BACH2: variants seen among roughly 807,000 people sequenced by gnomAD.
BACH2 encodes the protein BACH transcriptional regulator 2.
In BACH2, 5 loss-of-function variants were observed where a neutral mutation model predicts 61.8. That is an observed-to-expected ratio of 0.08 (90% CI 0.04 to 0.17). The LOEUF (loss-of-function observed/expected upper bound fraction) is 0.17. BACH2 is among the 10% of genes least tolerant of loss of function. The pLI is 1.00. For missense variants in BACH2, 824 were observed against 1,091.1 expected (o/e 0.76, Z 3.45); for synonymous variants, 446 against 440.1 (o/e 1.01, Z -0.17).
intron 4 of BACH2, among the ~76,000 whole-genome samples, chr6:90,149,463 G>A (rs1784735527): frequency 6.6e-6 from 1 of 152,174 alleles, no homozygotes; most frequent in Non-Finnish European, 1.5e-5. Flanking sequence ...TCCTCTGTTT[G>A]ATCTCCTGAG....
At chr6:90,189,229 C>T (rs1169094328) in intron 4 of BACH2, among the ~76,000 whole-genome samples, 1 of 152,182 alleles carries the variant, frequency 6.6e-6, no homozygotes, top group East Asian at 1.9e-4. Context: ...ATCTAAGAGA[C>T]AGTCTTTGTT....
chr6:90,282,048 TAA>T (rs1771872631), intron 1 of BACH2, among the ~76,000 whole-genome samples: 1 of 152,192 alleles, frequency 6.6e-6, no homozygotes. Context: ...TCACAGTGTA[TAA>T]ATACCTCACA....
intron 4 of BACH2, among the ~76,000 whole-genome samples, chr6:90,097,517 T>A (rs2127810300): frequency 6.6e-6 from 1 of 152,324 alleles, no homozygotes; most frequent in Non-Finnish European, 1.5e-5. Context: ...TTCTACCCCA[T>A]ACACACTTTG....
chr6:90,252,706 C>T (rs1027216479), intron 2 of BACH2, 116 bp from the exon 3 acceptor site: 1 of 152,076 alleles, frequency 6.6e-6, no homozygotes, highest in Non-Finnish European at 1.5e-5. Flanking sequence ...AAACACAACA[C>T]CAGGGATGCC....
intron 4 of BACH2, among the ~76,000 whole-genome samples, chr6:90,167,243 A>G (rs1424160520): frequency 6.6e-6 from 1 of 152,210 alleles, no homozygotes; most frequent in Non-Finnish European, 1.5e-5. Context: ...AAGGAGTAAA[A>G]TGTTTTAAAA....
At chr6:90,057,352 C>T (rs1216283673) in intron 5 of BACH2, among the ~76,000 whole-genome samples, 1 of 152,144 alleles carries the variant, frequency 6.6e-6, no homozygotes, top group Non-Finnish European at 1.5e-5. Flanking sequence ...CACCTCTACG[C>T]AAATAAACTA....
At chr6:90,200,045 A>T (rs192858419) in intron 4 of BACH2, among the ~76,000 whole-genome samples, 11 of 152,324 alleles carry the variant, frequency 7.2e-5, no homozygotes, top group Admixed American at 2.0e-4. Context: ...AGTGTTTACC[A>T]TACTGGAGGT....
chr6:90,154,703 G>A (rs140225947), intron 4 of BACH2, among the ~76,000 whole-genome samples: 2 of 152,328 alleles, frequency 1.3e-5, no homozygotes, highest in African/African-American at 4.8e-5. Flanking sequence ...AAGGGAGGAA[G>A]TATATCTGCC....
intron 4 of BACH2, among the ~76,000 whole-genome samples, chr6:90,188,760 GAAAA>G (rs57618295): frequency 1.3e-5 from 1 of 78,746 alleles, no homozygotes; most frequent in Non-Finnish European, 2.6e-5. Flanking sequence ...GCCCCAAAAT[GAAAA>G]AAAAAAAAAA....
intron 7 of BACH2, among the ~76,000 whole-genome samples, chr6:89,946,851 A>G (rs985115902): frequency 6.6e-6 from 1 of 152,158 alleles, no homozygotes; most frequent in Non-Finnish European, 1.5e-5. Context: ...TCATTTTAAA[A>G]AGCTGATTAT....
intron 3 of BACH2, among the ~76,000 whole-genome samples, chr6:90,244,598 TC>T (rs1301854842): frequency 1.3e-5 from 2 of 152,064 alleles, no homozygotes; most frequent in African/African-American, 4.8e-5. Flanking sequence ...AACCACCCCC[TC>T]CCCCCTTCAC....
At chr6:90,051,982 A>G (rs1339649880) in intron 5 of BACH2, among the ~76,000 whole-genome samples, 1 of 152,152 alleles carries the variant, frequency 6.6e-6, no homozygotes, top group East Asian at 1.9e-4. Flanking sequence ...ATTTCCACAT[A>G]TAAGGGGAAT....
rs776786106 is a variant in BACH2, at chr6:90,008,410, T to C, written c.243+192A>G. Among the ~76,000 whole-genome samples, 3 of 152,142 alleles carry C rather than the reference T, an allele frequency of 2.0e-5. No individual in the cohort carries two copies. The East Asian group carries it at 5.8e-4, about 29-fold the overall frequency. ...GGTTCAGTTCCCTTCAAGAAAGATA[T>C]TCACATTCTGTGCCTCTGAGACTTT... is the stretch of plus-strand genomic sequence containing the variant. On this transcript the variant is annotated intron_variant, in intron 6 of 8. Coordinates refer to ENST00000257749, the MANE Select transcript of BACH2 (RefSeq NM_021813.4). This position sits in a 1 kb window ranked among gnomAD's most constrained non-coding sequence, Gnocchi z 4.1.
chr6:89,987,274 G>A (rs1562347652), intron 6 of BACH2, among the ~76,000 whole-genome samples: 1 of 152,204 alleles, frequency 6.6e-6, no homozygotes. Flanking sequence ...TGACACAGGT[G>A]ACAGGAAACT....
At chr6:90,085,337 A>G (rs892742404) in intron 5 of BACH2, among the ~76,000 whole-genome samples, 1 of 152,112 alleles carries the variant, frequency 6.6e-6, no homozygotes, top group African/African-American at 2.4e-5. Flanking sequence ...TCCTGCCTCC[A>G]TGTCCACCTC....
intron 6 of BACH2, among the ~76,000 whole-genome samples, chr6:90,004,175 G>A (rs1777281058): frequency 6.6e-6 from 1 of 152,190 alleles, no homozygotes; most frequent in Admixed American, 6.5e-5. Context: ...TACTGCTGCA[G>A]GAATGTTCTT....
chr6:90,015,936 T>G (rs1346573899), intron 5 of BACH2, among the ~76,000 whole-genome samples: 2 of 152,238 alleles, frequency 1.3e-5, no homozygotes, highest in Non-Finnish European at 2.9e-5. Flanking sequence ...CTCATGCAGT[T>G]TGAAATCCTA....
intron 2 of BACH2, among the ~76,000 whole-genome samples, chr6:90,266,911 ACC>A (rs1771351919): frequency 6.6e-6 from 1 of 152,118 alleles, no homozygotes; most frequent in Non-Finnish European, 1.5e-5. Context: ...ATATGAACTT[ACC>A]TCAATTTTTT....
chr6:90,197,208 T>C (rs1165911022), intron 4 of BACH2, among the ~76,000 whole-genome samples: 1 of 152,196 alleles, frequency 6.6e-6, no homozygotes, highest in Non-Finnish European at 1.5e-5. Context: ...CAAACAGCTA[T>C]ACGTTATAAG....
Sources: gnomAD v4.1 joint callset for allele counts (sites outside exome capture counted in the v4.1 genomes callset) on GRCh38, gnomAD v4.1.1 for gene constraint, Gnocchi (gnomAD v3.1) non-coding constraint, MANE v1.5 for transcripts, NCBI Gene and HGNC (gene_info 2026-07-23, HGNC 2026-07-21) for gene names.